Variants in ZNF804B observed in about 807,000 individuals in gnomAD.
ZNF804B encodes the protein zinc finger 804B.
In ZNF804B, 80 loss-of-function variants were observed where a neutral mutation model predicts 101.4. The ratio of observed to expected loss-of-function variants is 0.79; its 90% CI spans 0.66 to 0.95. ZNF804B has a LOEUF of 0.95. Among genes scored for constraint, ZNF804B ranks in the 40% least tolerant of loss-of-function variants. The pLI is 0.00. For synonymous variants in ZNF804B, 622 were observed against 558.8 expected, an observed-to-expected ratio of 1.11 and a Z score of -1.59; for missense variants, 1,673 against 1,561.9, an observed-to-expected ratio of 1.07 and a Z score of -1.20.
chr7:89,041,198 G>C (rs997054024), intron 1 of ZNF804B, among the ~76,000 whole-genome samples: 3 of 152,176 alleles, frequency 2.0e-5, no homozygotes, highest in Non-Finnish European at 4.4e-5. Flanking sequence ...GCCTGACTCT[G>C]AGATGTACCT....
chr7:89,145,162 A>G (rs544248698), intron 1 of ZNF804B, among the ~76,000 whole-genome samples: 42 of 152,128 alleles, frequency 2.8e-4, no homozygotes, highest in Non-Finnish European at 5.3e-4. Context: ...ACTACAACAA[A>G]TAAGACTGAC....
intron 1 of ZNF804B, among the ~76,000 whole-genome samples, chr7:88,953,218 G>T (rs906120038): frequency 6.6e-6 from 1 of 151,644 alleles, no homozygotes; most frequent in Non-Finnish European, 1.5e-5. Context: ...TCTCCAGTTT[G>T]CTCAATCAGA....
At chr7:88,899,123 A>G (rs1208879681) in intron 1 of ZNF804B, among the ~76,000 whole-genome samples, 1 of 152,184 alleles carries the variant, frequency 6.6e-6, no homozygotes, top group East Asian at 1.9e-4. Flanking sequence ...CTGATATTTG[A>G]TCAGTGTAAA....
At chr7:89,015,508 C>T (rs1788536491) in intron 1 of ZNF804B, among the ~76,000 whole-genome samples, 1 of 151,686 alleles carries the variant, frequency 6.6e-6, no homozygotes, top group South Asian at 2.1e-4. Context: ...CACAACAGTC[C>T]CCAGAGTGTA....
chr7:89,120,165 T>C lies in ZNF804B; in HGVS notation c.109-97990T>C, dbSNP rs188346094. Among the ~76,000 whole-genome samples the C allele has an allele frequency of 1.3e-3, 203 of 152,204 alleles. 1 individual carries two copies. The highest frequency in any genetic ancestry group is 4.3e-3 in the African/African-American group (179 of 41,532). The stretch of plus-strand genomic sequence containing the variant: ...CTGAAGTCTACACACTTACCTGTAA[T>C]CCCAGCTACTTGGTAGGCCGAGGCA... On this transcript the variant is annotated intron_variant, in intron 1 of 3. Transcript: ENST00000333190.
intron 1 of ZNF804B, among the ~76,000 whole-genome samples, chr7:88,972,183 T>C (rs1220022417): frequency 1.3e-5 from 2 of 151,610 alleles, no homozygotes; most frequent in African/African-American, 4.8e-5. Flanking sequence ...ATTGTGTATT[T>C]TTTCTCCATC....
intron 2 of ZNF804B, among the ~76,000 whole-genome samples, chr7:89,309,127 C>T (rs1255342747): frequency 6.6e-6 from 1 of 152,048 alleles, no homozygotes; most frequent in Non-Finnish European, 1.5e-5. Context: ...GTTATTTAAC[C>T]CTTGCCCCCT....
chr7:88,769,347 C>A (rs571104508), intron 1 of ZNF804B, among the ~76,000 whole-genome samples: 1 of 152,240 alleles, frequency 6.6e-6, no homozygotes, highest in East Asian at 1.9e-4. Flanking sequence ...GTTTTCATGG[C>A]AATTTTTATC....
At chr7:89,056,001 G>A (rs1789286100) in intron 1 of ZNF804B, among the ~76,000 whole-genome samples, 1 of 151,976 alleles carries the variant, frequency 6.6e-6, no homozygotes, top group Admixed American at 6.6e-5. Flanking sequence ...TATTTCTTTT[G>A]GAAAGAAGCT....
chr7:88,891,415 T>C (rs1288561958), intron 1 of ZNF804B, among the ~76,000 whole-genome samples: 1 of 152,108 alleles, frequency 6.6e-6, no homozygotes, highest in Non-Finnish European at 1.5e-5. Context: ...GTTTGCCTTT[T>C]ATATAATTTT....
intron 1 of ZNF804B, among the ~76,000 whole-genome samples, chr7:89,027,660 G>A (rs1330496156): frequency 6.6e-6 from 1 of 152,052 alleles, no homozygotes; most frequent in African/African-American, 2.4e-5. Flanking sequence ...CTCCCAGGTG[G>A]GTCTGCACTG....
intron 1 of ZNF804B, among the ~76,000 whole-genome samples, chr7:89,215,700 G>T (rs1025048264): frequency 7.9e-5 from 12 of 151,320 alleles, no homozygotes; most frequent in African/African-American, 2.9e-4. Flanking sequence ...TGGCTAACAC[G>T]GTGAAATCCC....
At chr7:88,963,945 G>T (rs887819783) in intron 1 of ZNF804B, among the ~76,000 whole-genome samples, 3 of 151,296 alleles carry the variant, frequency 2.0e-5, no homozygotes, top group South Asian at 2.1e-4. Context: ...AATCAGTAGG[G>T]AAATGCAAAT....
intron 2 of ZNF804B, among the ~76,000 whole-genome samples, chr7:89,259,056 A>G (rs1432350514): frequency 6.6e-6 from 1 of 152,158 alleles, no homozygotes; most frequent in Non-Finnish European, 1.5e-5. Context: ...CCCATATCAT[A>G]GAAGGGTTCA....
chr7:89,117,010 C>G (rs939302086), intron 1 of ZNF804B, among the ~76,000 whole-genome samples: 2 of 152,114 alleles, frequency 1.3e-5, no homozygotes, highest in Non-Finnish European at 2.9e-5. Context: ...TTTGACCACA[C>G]AGAGAAGGCA....
At chr7:88,989,309 T>G (rs746797824) in intron 1 of ZNF804B, among the ~76,000 whole-genome samples, 7 of 152,066 alleles carry the variant, frequency 4.6e-5, no homozygotes, top group Non-Finnish European at 7.4e-5. Context: ...TTGGCAACCA[T>G]TTCAATATGT....
intron 1 of ZNF804B, among the ~76,000 whole-genome samples, chr7:88,877,017 T>TA (rs1158471105): frequency 3.0e-3 from 267 of 88,962 alleles, no homozygotes; most frequent in East Asian, 0.028. Flanking sequence ...AATATATATA[T>TA]ATATATATAA....
chr7:88,788,907 G>T (rs1229526917), intron 1 of ZNF804B, among the ~76,000 whole-genome samples: 2 of 152,032 alleles, frequency 1.3e-5, no homozygotes, highest in Non-Finnish European at 2.9e-5. Context: ...AATTACAGGT[G>T]AACTAATTCT....
intron 1 of ZNF804B, among the ~76,000 whole-genome samples, chr7:88,996,055 A>T (rs1167261002): frequency 2.0e-5 from 3 of 152,072 alleles, no homozygotes; most frequent in Non-Finnish European, 4.4e-5. Flanking sequence ...GGATCCTGGA[A>T]CAAAAACAGA....
Sources: gnomAD v4.1 joint callset for allele counts (sites outside exome capture counted in the v4.1 genomes callset) on GRCh38, gnomAD v4.1.1 for gene constraint, MANE v1.5 for transcripts, NCBI Gene and HGNC (gene_info 2026-07-23, HGNC 2026-07-21) for gene names.